CHTF18: variants seen among roughly 807,000 people sequenced by gnomAD.
CHTF18 encodes chromosome transmission fidelity protein 18 homolog.
In CHTF18, 151 loss-of-function variants were observed where a neutral mutation model predicts 113.4. The ratio of observed to expected loss-of-function variants is 1.33; its 90% CI spans 1.17 to 1.52. The LOEUF is 1.52. Among genes scored for constraint, CHTF18 ranks in the 40% most tolerant of loss-of-function variants. CHTF18 has a pLI of 0.00. For missense variants in CHTF18, 1,982 were observed against 1,381.6 expected (o/e 1.43, Z -6.89); for synonymous variants, 916 against 598.8 (o/e 1.53, Z -7.74).
Position 796,012 on chromosome 16 carries a change from CG to C in CHTF18, c.2392del (p.Ala798LeufsTer4). ...QLASLVGTML[A>X]YSLTYRQERT... ...TGGCCAGCCTGGTGGGCACGATGCT[CG>C]CTTACAGCCTGACCTACCGCCAGGA... On this transcript the variant is annotated frameshift_variant, in exon 18 of 22. Coordinates refer to ENST00000262315, the MANE Select transcript of CHTF18 (RefSeq NM_022092.3). LOFTEE classifies it high-confidence loss of function. 6.2e-7 allele frequency: 1 copy of C among 1,606,944 alleles called. No homozygotes were observed. Among genetic ancestry groups the C allele is most frequent in the South Asian group, 1.1e-5 (1 of 89,812 alleles).
intron 14 of CHTF18, 107 bp downstream of exon 14, chr16:793,381 C>A: frequency 7.0e-7 from 1 of 1,420,248 alleles, no homozygotes. Context: ...ACTCAGTGTC[C>A]TGAGCCCGCG....
intron 7 of CHTF18, 40 bp downstream of exon 7, chr16:790,706 T>C: frequency 6.7e-7 from 1 of 1,493,238 alleles, no homozygotes. Context: ...TGGCTTCCTC[T>C]GTTCCCAAGA....
intron 12 of CHTF18, 40 bp from the exon 13 acceptor site, chr16:792,926 G>A (rs1314428183): frequency 1.3e-6 from 2 of 1,543,608 alleles, no homozygotes; most frequent in Admixed American, 3.9e-5. Flanking sequence ...TGAAAGGATG[G>A]GGCATACCAT....
chr16:789,160 T>G (rs995346710), intron 2 of CHTF18, 35 bp downstream of exon 2: 2 of 1,549,184 alleles, frequency 1.3e-6, no homozygotes, highest in Non-Finnish European at 1.7e-6. Context: ...GCCTCCGGAG[T>G]GGGCGCGAGG....
chr16:797,587 G>GTCT (rs2042388778), intron 20 of CHTF18, 107 bp from the exon 21 acceptor site: 9 of 1,221,412 alleles, frequency 7.4e-6, no homozygotes, highest in Non-Finnish European at 1.1e-5. Context: ...GTGTCTCAGA[G>GTCT]GTGTTCTGGT....
rs1451088991 is a variant in CHTF18 at position 797,953 on chromosome 16, TG to T, written c.2907del (p.Tyr970ThrfsTer32). 6.2e-7 allele frequency: 1 copy of T among 1,612,178 alleles called. No individual in the cohort carries two copies. The highest frequency in any genetic ancestry group is 1.7e-5 in the Admixed American group (1 of 60,000). ...GTCTCCAACGCCGTGCGGCGCAGCCTGTACATCAGGGACTTGCTCTAGTTCT... is the reference window on the plus strand; with the variant it reads ...GTCTCCAACGCCGTGCGGCGCAGCCTTACATCAGGGACTTGCTCTAGTTCT... ...EGVSNAVRRSLYIRDLL is the reference protein window; with the variant it reads ...EGVSNAVRRSXYIRDLL On this transcript the variant is annotated frameshift_variant, in exon 22 of 22. Coordinates refer to ENST00000262315, the MANE Select transcript of CHTF18 (RefSeq NM_022092.3). LOFTEE classifies it high-confidence loss of function.
In CHTF18 at chr16:789,328, C is replaced by G. The variant is rs749238545; in HGVS notation, c.405C>G (p.Ser135Arg). ...SSPTDITPPP[S>R]PEDLAELWGH... ...CGACGGACATCACCCCGCCGCCGAGCCCTGAGGACCTCGCAGAGCTTTGGG... is the reference window on the plus strand; with the variant it reads ...CGACGGACATCACCCCGCCGCCGAGGCCTGAGGACCTCGCAGAGCTTTGGG... Residue 135 changes from serine to arginine, a missense_variant, in exon 3 of 22, where the codon AGC becomes AGG. Physicochemically the swap from Ser to Arg is moderately radical, Grantham distance 110. Coordinates refer to ENST00000262315, the MANE Select transcript of CHTF18 (RefSeq NM_022092.3). 6.2e-7 allele frequency: 1 copy of G among 1,601,958 alleles called. No individual in the cohort carries two copies. The highest frequency in any genetic ancestry group is 1.7e-5 in the Admixed American group (1 of 58,740).
chr16:795,214 T>G lies in CHTF18; in HGVS notation c.2033T>G (p.Phe678Cys). 3 of 1,554,988 alleles carry G rather than the reference T, an allele frequency of 1.9e-6. No individual in the cohort carries two copies. Among genetic ancestry groups the G allele is most frequent in the Non-Finnish European group, 2.6e-6 (3 of 1,149,584 alleles). ...TGTGTGGCCCTCGACTGGCTGGCCT[T>G]CGATGACCTGCTGGCGGGGGCTGCT... Reference protein sequence around the residue: ...AVCVALDWLAFDDLLAGAAHH... With the variant: ...AVCVALDWLACDDLLAGAAHH... Residue 678 changes from phenylalanine (F) to cysteine (C), a missense_variant, in exon 16 of 22, where the codon TTC becomes TGC. Physicochemically the swap from Phe to Cys is radical, Grantham distance 205. Coordinates refer to ENST00000262315, the MANE Select transcript of CHTF18 (RefSeq NM_022092.3).
Position 791,181 on chromosome 16 carries a change from C to T in CHTF18, c.915C>T (p.Leu305=), listed in dbSNP as rs1311566283. The change falls in exon 8 of 22, where the codon CTC becomes CTT. Residue 305 remains leucine (L), a synonymous_variant. Transcript: ENST00000262315. ...CGCAGTTCACCAACCGCTGCCTGCTCAAGTGGCTGAAGTTGTGGGACCTGG... is the reference window on the plus strand; with the variant it reads ...CGCAGTTCACCAACCGCTGCCTGCTTAAGTGGCTGAAGTTGTGGGACCTGG... ...LSDDFTNRCL[L]KWLKLWDLVV... is the part of the protein sequence containing the mutation. The T allele has an allele frequency of 4.3e-6, 7 of 1,611,422 alleles. No homozygotes were observed. The highest frequency in any genetic ancestry group is 3.3e-5 in the South Asian group (3 of 90,780).
chr16:789,346 G>A lies in CHTF18; in HGVS notation c.423G>A (p.Glu141=). Residue 141 remains glutamate, a synonymous_variant, in exon 3 of 22, where the codon GAG becomes GAA. Coordinates refer to ENST00000262315, the MANE Select transcript of CHTF18 (RefSeq NM_022092.3). The stretch of plus-strand genomic sequence containing the variant: ...CGCCGAGCCCTGAGGACCTCGCAGA[G>A]CTTTGGGGCCACGGGTGTGTGGCTT... ...TPPPSPEDLA[E]LWGHGVSEAA... The A allele has an allele frequency of 6.3e-7, 1 of 1,596,156 alleles. No homozygotes were observed. The highest frequency in any genetic ancestry group is 8.5e-7 in the Non-Finnish European group (1 of 1,171,838).
At position 793,137 on chromosome 16, in the gene CHTF18, T is replaced by A; in HGVS notation, c.1672-7T>A. 1 of 1,596,386 alleles carries A rather than the reference T, an allele frequency of 6.3e-7. No homozygotes were observed. The highest frequency in any genetic ancestry group is 8.5e-7 in the Non-Finnish European group (1 of 1,172,884). On this transcript the variant is annotated splice_region_variant and splice_polypyrimidine_tract_variant and intron_variant, in intron 13 of 21. Coordinates refer to ENST00000262315, the MANE Select transcript of CHTF18 (RefSeq NM_022092.3). ...GGCCGCTTCTCATGCCCCCGCCCTA[T>A]GTCTAGTTCCTGTACAGCCGGGGCC...
At position 792,740 on chromosome 16, in the gene CHTF18, C is replaced by T. The variant is rs2042234219; in HGVS notation, c.1501C>T (p.Leu501=). Residue 501 remains leucine (L), a synonymous_variant, in exon 12 of 22, where the codon CTG becomes TTG. Coordinates refer to ENST00000262315, the MANE Select transcript of CHTF18 (RefSeq NM_022092.3). ...CAGGTTCGCACCGTCCCTGCGGCAG[C>T]TGAAGCAGCAGGCCTTCCTGCTCCA... ...NDQFAPSLRQ[L]KQQAFLLHFP... is the part of the protein sequence containing the mutation. 1 of 1,555,154 alleles carries T rather than the reference C, an allele frequency of 6.4e-7. No homozygotes were observed. Among genetic ancestry groups the T allele is most frequent in the Non-Finnish European group, 8.7e-7 (1 of 1,154,734 alleles).
Position 791,252 on chromosome 16 carries a change from T to C in CHTF18, c.986T>C (p.Val329Ala). Reference sequence around the variant, plus strand: ...CCTTCCCGGAAGCCCAGGCCCAGTGTTGAGCCGGCCCGGGTCAGCAAGGAG... The same window carrying C: ...CCTTCCCGGAAGCCCAGGCCCAGTGCTGAGCCGGCCCGGGTCAGCAAGGAG... Reference protein sequence around the residue: ...ERPSRKPRPSVEPARVSKEAT... With the variant: ...ERPSRKPRPSAEPARVSKEAT... The change falls in exon 8 of 22, where the codon GTT becomes GCT. Residue 329 changes from valine (V) to alanine (A), a missense_variant. Coordinates refer to ENST00000262315, the MANE Select transcript of CHTF18 (RefSeq NM_022092.3). 1.2e-6 allele frequency: 2 copies of C among 1,610,766 alleles called. No homozygotes were observed. Among genetic ancestry groups the C allele is most frequent in the Non-Finnish European group, 8.5e-7 (1 of 1,179,258 alleles).
chr16:788,868 C>T, intron 1 of CHTF18, 63 bp from the exon 2 acceptor site: 1 of 1,505,862 alleles, frequency 6.6e-7, no homozygotes, highest in Non-Finnish European at 8.8e-7. Flanking sequence ...AAGGGGCCTC[C>T]ACGTCGCCGC....
Position 791,263 on chromosome 16 carries a change from C to T in CHTF18, c.997C>T (p.Arg333Trp), listed in dbSNP as rs756317834. ...RKPRPSVEPA[R>W]VSKEATAPGK... The stretch of plus-strand genomic sequence containing the variant: ...GCCCAGGCCCAGTGTTGAGCCGGCC[C>T]GGGTCAGCAAGGAGGCCACAGCCCC... The change falls in exon 8 of 22, where the codon CGG becomes TGG. Residue 333 changes from arginine (R) to tryptophan (W), a missense_variant. Physicochemically the swap from Arg to Trp is moderately radical, Grantham distance 101. Transcript: ENST00000262315. 4.4e-5 allele frequency: 71 copies of T among 1,610,256 alleles called. No individual in the cohort carries two copies. The highest frequency in any genetic ancestry group is 1.7e-4 in the Middle Eastern group (1 of 6,054).
intron 14 of CHTF18, chr16:793,677 G>T (rs1195568381): frequency 1.7e-6 from 1 of 589,118 alleles, no homozygotes; most frequent in Admixed American, 2.3e-5. Context: ...GCATGTCTCT[G>T]TCCTGACGTG....
chr16:789,821 G>C lies in CHTF18; in HGVS notation c.606+106G>C, dbSNP rs112927633. On this transcript the variant is annotated intron_variant, in intron 4 of 21. Coordinates refer to ENST00000262315, the MANE Select transcript of CHTF18 (RefSeq NM_022092.3). ...ATTTGCTTAAAGCGGGTCCTGTGCAGAGCCCCAGGGGTGCAGAGGGGGAGG... is the reference window on the plus strand; with the variant it reads ...ATTTGCTTAAAGCGGGTCCTGTGCACAGCCCCAGGGGTGCAGAGGGGGAGG... The C allele has an allele frequency of 1.3e-3, 1,798 of 1,386,378 alleles. 23 individuals are homozygous for C. In the African/African-American group the frequency reaches 0.022, roughly 17 times the overall value. 85.9% of individuals were successfully genotyped at this position (1,386,378 alleles called of 1,614,324 possible). A position where few individuals can be genotyped will look rare whatever the true frequency, so the allele number is the denominator to read the frequency against.
rs765314604 is a variant in CHTF18 at position 790,566 on chromosome 16, C to A, written c.794C>A (p.Ala265Asp). 1.3e-6 allele frequency: 2 copies of A among 1,596,970 alleles called. No individual in the cohort carries two copies. The highest frequency in any genetic ancestry group is 8.5e-7 in the Non-Finnish European group (1 of 1,172,872). Reference protein sequence around the residue: ...GEEEAAQPLGAPEEEPTDGQD... With the variant: ...GEEEAAQPLGDPEEEPTDGQD... The stretch of plus-strand genomic sequence containing the variant: ...GAGGAGGCAGCCCAGCCCTTGGGGG[C>A]CCCTGAGGAGGAGCCGACTGACGGT... The change falls in exon 7 of 22, where the codon GCC becomes GAC. Residue 265 changes from alanine to aspartate, a missense_variant. Transcript: ENST00000262315.
Position 792,817 on chromosome 16 carries a change from T to C in CHTF18, c.1572+6T>C. Reference sequence around the variant, plus strand: ...TGGTGCAGCGGCTCCAGGAGGTCGGTGGAGCCCCAGGAGCCGTGTGGCTGA... The same window carrying C: ...TGGTGCAGCGGCTCCAGGAGGTCGGCGGAGCCCCAGGAGCCGTGTGGCTGA... On this transcript the variant is annotated splice_donor_region_variant and intron_variant, in intron 12 of 21. Transcript: ENST00000262315. 6.5e-7 allele frequency: 1 copy of C among 1,539,796 alleles called. No homozygotes were observed. Among genetic ancestry groups the C allele is most frequent in the Non-Finnish European group, 8.7e-7 (1 of 1,146,698 alleles).
Sources: allele counts gnomAD v4.1 joint callset, GRCh38; gene constraint gnomAD v4.1.1; transcripts MANE v1.5; gene names NCBI Gene and HGNC (gene_info 2026-07-23, HGNC 2026-07-21).